RTL4: variants seen among roughly 807,000 people sequenced by gnomAD.
The protein encoded by RTL4 is retrotransposon Gag like 4.
Under a neutral mutation model 5.3 loss-of-function variants are expected in RTL4, and 4 were observed. The ratio of observed to expected loss-of-function variants is 0.75; its 90% CI spans 0.37 to 1.72. The LOEUF is 1.72. RTL4 is among the 40% of genes most tolerant of loss of function. The pLI is 0.04. For missense variants in RTL4, 260 were observed against 227.1 expected (o/e 1.14, Z -0.93); for synonymous variants, 98 against 87.3 (o/e 1.12, Z -0.68).
chrX:112,334,773 C>T, the RTL4 span, among the ~76,000 whole-genome samples: 1 of 110,948 alleles, frequency 9.0e-6, no homozygotes, highest in Non-Finnish European at 1.9e-5. Flanking sequence ...TCTGTTCTTC[C>T]ATTAGTGTCT....
chrX:112,384,814 CATG>C, the RTL4 span, among the ~76,000 whole-genome samples: 1 of 111,901 alleles, frequency 8.9e-6, no homozygotes, highest in Non-Finnish European at 1.9e-5. Flanking sequence ...TGACCATTTT[CATG>C]ATATTGATTC....
upstream of RTL4, among the ~76,000 whole-genome samples, chrX:112,452,410 C>G (rs1926756399): frequency 2.8e-5 from 3 of 109,017 alleles, no homozygotes; most frequent in South Asian, 1.2e-3. Flanking sequence ...CTGGAAAGGC[C>G]AATCATTAAC....
the RTL4 span, among the ~76,000 whole-genome samples, chrX:112,173,314 T>TGATGATGGAG: frequency 1.8e-5 from 2 of 111,386 alleles, no homozygotes; most frequent in Non-Finnish European, 3.8e-5. Flanking sequence ...TAGCATCAAG[T>TGATGATGGAG]GATGATGGAG....
the RTL4 span, among the ~76,000 whole-genome samples, chrX:112,373,491 A>G: frequency 9.0e-6 from 1 of 111,010 alleles, no homozygotes; most frequent in African/African-American, 3.3e-5. Flanking sequence ...AATTCTTTAT[A>G]TAACCTAGAA....
the RTL4 span, among the ~76,000 whole-genome samples, chrX:112,340,367 T>C: frequency 1.8e-5 from 2 of 111,237 alleles, no homozygotes; most frequent in African/African-American, 3.3e-5. Context: ...AGATGTCATA[T>C]AATCGGTTTA....
At chrX:112,096,455 T>C in the RTL4 span, among the ~76,000 whole-genome samples, 1 of 111,587 alleles carries the variant, frequency 9.0e-6, no homozygotes, top group Non-Finnish European at 1.9e-5. Context: ...ATTCCAGTAA[T>C]GGGTCCTCAG....
At chrX:112,256,028 A>G in the RTL4 span, among the ~76,000 whole-genome samples, 1 of 112,067 alleles carries the variant, frequency 8.9e-6, no homozygotes, top group Admixed American at 9.5e-5. Context: ...TCTTTAGCTT[A>G]TAGTTAACAA....
At chrX:112,314,021 C>T in the RTL4 span, among the ~76,000 whole-genome samples, 4 of 111,390 alleles carry the variant, frequency 3.6e-5, no homozygotes, top group Non-Finnish European at 7.5e-5. Flanking sequence ...CACCAGACTG[C>T]CTGACTTTCA....
the RTL4 span, among the ~76,000 whole-genome samples, chrX:112,339,460 A>G: frequency 8.9e-6 from 1 of 112,096 alleles, no homozygotes; most frequent in African/African-American, 3.2e-5. Flanking sequence ...AGACAAAGAT[A>G]AGAGTGAGTT....
chrX:112,403,031 A>G, the RTL4 span, among the ~76,000 whole-genome samples: 1 of 111,830 alleles, frequency 8.9e-6, no homozygotes, highest in African/African-American at 3.3e-5. Flanking sequence ...CTGAAATCAC[A>G]CTTTGCCCTG....
the RTL4 span, among the ~76,000 whole-genome samples, chrX:112,327,763 C>T: frequency 1.8e-5 from 2 of 111,167 alleles, no homozygotes; most frequent in African/African-American, 6.5e-5. Flanking sequence ...AGAGAAAGGT[C>T]GGGTTAACCT....
At chrX:112,417,618 G>T in the RTL4 span, among the ~76,000 whole-genome samples, 16 of 111,221 alleles carry the variant, frequency 1.4e-4, no homozygotes, top group Non-Finnish European at 2.3e-4. Context: ...TGGCTCAGTT[G>T]CAGGGGCTCC....
chrX:112,132,987 T>G, the RTL4 span, among the ~76,000 whole-genome samples: 3 of 111,989 alleles, frequency 2.7e-5, no homozygotes, highest in South Asian at 1.1e-3. Flanking sequence ...CAAAATAGAG[T>G]CTTCTTTCTA....
At chrX:112,310,624 ATTATGTTT>A in the RTL4 span, among the ~76,000 whole-genome samples, 1 of 53,081 alleles carries the variant, frequency 1.9e-5, no homozygotes, top group Non-Finnish European at 3.0e-5. Context: ...ATTTATATAT[ATTATGTTT>A]ATATATTATA....
chrX:112,455,311 G>A lies in RTL4; in HGVS notation c.583G>A (p.Glu195Lys), dbSNP rs1482553155. 5 of 1,209,849 alleles carry A rather than the reference G, an allele frequency of 4.1e-6. No homozygotes were observed. In the South Asian group the frequency reaches 8.8e-5, roughly 21 times the overall value. The change falls in exon 1 of 1, where the codon GAA becomes AAA. Residue 195 changes from glutamate (E) to lysine (K), a missense_variant. Coordinates refer to ENST00000340433, the Ensembl canonical transcript of RTL4. Reference sequence around the variant, plus strand: ...GGCACTAGCTGATCCCAACCAGGATGAAGAGAGTGTCACTGATATGATGGA... The same window carrying A: ...GGCACTAGCTGATCCCAACCAGGATAAAGAGAGTGTCACTGATATGATGGA...
At chrX:112,101,918 C>G in the RTL4 span, among the ~76,000 whole-genome samples, 1 of 110,415 alleles carries the variant, frequency 9.1e-6, no homozygotes, top group Non-Finnish European at 1.9e-5. Context: ...CTGCCTGGAG[C>G]CCCCAAAAGA....
chrX:112,119,758 G>A, the RTL4 span, among the ~76,000 whole-genome samples: 1 of 111,686 alleles, frequency 9.0e-6, no homozygotes, highest in Non-Finnish European at 1.9e-5. Flanking sequence ...TCTGTTGTTT[G>A]TAATGGGAAA....
At chrX:112,369,366 G>T in the RTL4 span, among the ~76,000 whole-genome samples, 2 of 111,507 alleles carry the variant, frequency 1.8e-5, no homozygotes, top group African/African-American at 6.5e-5. Flanking sequence ...CCTCAGGCTT[G>T]GACTATCCAA....
exon 1 of RTL4, chrX:112,454,720 G>C (rs1569329554): frequency 1.7e-6 from 2 of 1,171,501 alleles, no homozygotes; most frequent in Non-Finnish European, 2.3e-6. Context: ...CCTGATTCCA[G>C]GAGACATAAT....
Sources: gnomAD v4.1 joint callset for allele counts (sites outside exome capture counted in the v4.1 genomes callset) on GRCh38, gnomAD v4.1.1 for gene constraint, MANE v1.5 for transcripts, NCBI Gene and HGNC (gene_info 2026-07-23, HGNC 2026-07-21) for gene names.